The following ARHGAP15 variants were observed in gnomAD, a reference collection of about 807,000 sequenced individuals.
ARHGAP15 encodes the protein rho GTPase-activating protein 15.
ARHGAP15 carries 51 observed loss-of-function variants against 63.7 expected under a neutral mutation model. The observed-to-expected ratio is 0.80, with a 90% confidence interval of 0.64 to 1.01. The LOEUF is 1.01. Among genes scored for constraint, ARHGAP15 ranks in the 50% least tolerant of loss-of-function variants. The pLI is 0.00. For synonymous variants in ARHGAP15, 191 were observed against 193.8 expected (o/e 0.99, Z 0.12); for missense variants, 560 against 564.6 (o/e 0.99, Z 0.08).
chr2:143,720,148 G>A (rs777759441), intron 13 of ARHGAP15, among the ~76,000 whole-genome samples: 2 of 152,108 alleles, frequency 1.3e-5, no homozygotes, highest in Non-Finnish European at 2.9e-5. Context: ...GAGTGGGGGC[G>A]GGGAAGATGA....
intron 6 of ARHGAP15, among the ~76,000 whole-genome samples, chr2:143,303,494 G>A (rs1683013836): frequency 6.6e-6 from 1 of 151,932 alleles, no homozygotes; most frequent in Admixed American, 6.6e-5. Flanking sequence ...TTAAATGTTA[G>A]ACCTAAAACC....
rs144092251 is a variant in ARHGAP15, at chr2:143,407,616, T to C, written c.475-27985T>C. ...CTTTGATGGAAATGTGACAGGAGAG[T>C]AGGACTAATGTTTGTGTTCACTCTA... On this transcript the variant is annotated intron_variant, in intron 6 of 13. Coordinates refer to ENST00000295095, the MANE Select transcript of ARHGAP15 (RefSeq NM_018460.4). Among the ~76,000 whole-genome samples the C allele has an allele frequency of 8.2e-3, 1,250 of 151,756 alleles. 11 individuals carry two copies. The highest frequency in any genetic ancestry group is 0.012 in the Non-Finnish European group (794 of 67,742).
At chr2:143,195,430 T>G (rs1691854246) in intron 2 of ARHGAP15, among the ~76,000 whole-genome samples, 1 of 152,162 alleles carries the variant, frequency 6.6e-6, no homozygotes, top group Non-Finnish European at 1.5e-5. Flanking sequence ...AGAATAATTG[T>G]GGGACATGGA....
At chr2:143,196,207 G>T (rs573813089) in intron 2 of ARHGAP15, among the ~76,000 whole-genome samples, 2 of 152,126 alleles carry the variant, frequency 1.3e-5, no homozygotes, top group African/African-American at 4.8e-5. Flanking sequence ...AAGAACAGAA[G>T]TAGAAAGGGA....
chr2:143,613,987 C>G (rs1199784619), intron 11 of ARHGAP15, among the ~76,000 whole-genome samples: 1 of 152,160 alleles, frequency 6.6e-6, no homozygotes, highest in Non-Finnish European at 1.5e-5. Flanking sequence ...ATCCTCAACA[C>G]CCTGAGATAT....
chr2:143,542,374 A>G (rs1422488713), intron 10 of ARHGAP15, among the ~76,000 whole-genome samples: 1 of 151,990 alleles, frequency 6.6e-6, no homozygotes, highest in African/African-American at 2.4e-5. Flanking sequence ...GGTGCACTGC[A>G]CCCACTCTCC....
At chr2:143,138,499 G>A (rs1483513056) in intron 1 of ARHGAP15, among the ~76,000 whole-genome samples, 1 of 152,124 alleles carries the variant, frequency 6.6e-6, no homozygotes, top group Non-Finnish European at 1.5e-5. Context: ...CTAAAGCAAT[G>A]CCATCTGTAG....
intron 6 of ARHGAP15, among the ~76,000 whole-genome samples, chr2:143,358,910 C>T (rs1398201259): frequency 2.7e-5 from 4 of 150,536 alleles, no homozygotes; most frequent in African/African-American, 4.9e-5. Context: ...ATAGTAAGTA[C>T]CATCTGTTTA....
intron 8 of ARHGAP15, among the ~76,000 whole-genome samples, chr2:143,439,803 T>A (rs998820396): frequency 2.6e-5 from 4 of 152,106 alleles, no homozygotes; most frequent in Admixed American, 2.6e-4. Flanking sequence ...AAGTAAAAGG[T>A]AAACTTAGTT....
chr2:143,158,058 T>C (rs989501883), intron 2 of ARHGAP15, among the ~76,000 whole-genome samples: 2 of 151,898 alleles, frequency 1.3e-5, no homozygotes, highest in Non-Finnish European at 2.9e-5. Flanking sequence ...TACTACTTGT[T>C]CACTAGTATA....
chr2:143,411,753 CAATA>C (rs1688454692), intron 6 of ARHGAP15, among the ~76,000 whole-genome samples: 1 of 152,010 alleles, frequency 6.6e-6, no homozygotes. Flanking sequence ...TGGAAAAAGT[CAATA>C]AATCAAATAA....
chr2:143,628,575 C>G (rs189879516), intron 12 of ARHGAP15, among the ~76,000 whole-genome samples: 34 of 152,294 alleles, frequency 2.2e-4, no homozygotes, highest in Admixed American at 2.2e-3. Flanking sequence ...TCCTTCTCCT[C>G]TACAGCTTCA....
At chr2:143,336,579 A>T (rs1684783744) in intron 6 of ARHGAP15, among the ~76,000 whole-genome samples, 1 of 57,070 alleles carries the variant, frequency 1.8e-5, no homozygotes, top group South Asian at 1.6e-3. Flanking sequence ...GTTTAAAAAA[A>T]AGTGCAGTGA....
chr2:143,740,912 G>A (rs1408264381), intron 13 of ARHGAP15, among the ~76,000 whole-genome samples: 1 of 151,834 alleles, frequency 6.6e-6, no homozygotes, highest in African/African-American at 2.4e-5. Context: ...TATTGAAGCT[G>A]TGGTTAATTG....
chr2:143,445,440 C>G (rs755200619), intron 8 of ARHGAP15, among the ~76,000 whole-genome samples: 1 of 151,982 alleles, frequency 6.6e-6, no homozygotes, highest in Non-Finnish European at 1.5e-5. Flanking sequence ...GGATTACAGG[C>G]GTGAGCCGCT....
chr2:143,129,857 G>T (rs1007289183), intron 1 of ARHGAP15, among the ~76,000 whole-genome samples: 1 of 152,082 alleles, frequency 6.6e-6, no homozygotes, highest in Non-Finnish European at 1.5e-5. Flanking sequence ...AAAGAGAAAA[G>T]GGTATAACAA....
chr2:143,569,553 T>C (rs757494803), intron 11 of ARHGAP15, among the ~76,000 whole-genome samples: 27 of 152,096 alleles, frequency 1.8e-4, no homozygotes, highest in Non-Finnish European at 3.2e-4. Context: ...GAATGAGGGC[T>C]TCTGTGAGAT....
At chr2:143,519,528 T>G in intron 10 of ARHGAP15, 164 bp downstream of exon 10, 1 of 490,004 alleles carries the variant, frequency 2.0e-6, no homozygotes, top group Non-Finnish European at 3.7e-6. Flanking sequence ...TTCAGTTTGT[T>G]TTTACAATAG....
chr2:143,305,317 C>A (rs1683116450), intron 6 of ARHGAP15: 1 of 81,234 alleles, frequency 1.2e-5, no homozygotes, highest in Non-Finnish European at 2.3e-5. Context: ...ACACTGGGGC[C>A]TGTCAGGGGG....
Sources: gnomAD v4.1 joint callset for allele counts (sites outside exome capture counted in the v4.1 genomes callset) on GRCh38, gnomAD v4.1.1 for gene constraint, MANE v1.5 for transcripts, NCBI Gene and HGNC (gene_info 2026-07-23, HGNC 2026-07-21) for gene names.